The following HPSE variants were observed in gnomAD, a reference collection of about 807,000 sequenced individuals.
HPSE encodes the protein heparanase.
A neutral mutation model predicts 65.1 loss-of-function variants in HPSE; 48 were observed. The ratio of observed to expected loss-of-function variants is 0.74; its 90% CI spans 0.58 to 0.94. The LOEUF (loss-of-function observed/expected upper bound fraction) is 0.94. Ranked by LOEUF, HPSE falls within the 40% of genes least tolerant of loss-of-function variation. HPSE has a pLI of 0.00. For missense variants in HPSE, 644 were observed against 637.5 expected, an observed-to-expected ratio of 1.01 and a Z score of -0.11; for synonymous variants, 243 against 260.0, an observed-to-expected ratio of 0.93 and a Z score of 0.63.
chr4:83,312,745 C>T (rs1411028060), intron 4 of HPSE, among the ~76,000 whole-genome samples: 1 of 142,152 alleles, frequency 7.0e-6, no homozygotes, highest in East Asian at 2.1e-4. Flanking sequence ...CGCCTGTAAT[C>T]CCAGCACTTT....
intron 3 of HPSE, among the ~76,000 whole-genome samples, chr4:83,314,953 C>T (rs1187933333): frequency 6.6e-6 from 1 of 151,846 alleles, no homozygotes; most frequent in Non-Finnish European, 1.5e-5. Context: ...GTCAAGAGTT[C>T]GAGACCAGCC....
At chr4:83,327,826 T>C (rs1737210554) in intron 1 of HPSE, among the ~76,000 whole-genome samples, 1 of 152,136 alleles carries the variant, frequency 6.6e-6, no homozygotes, top group Non-Finnish European at 1.5e-5. Context: ...GCAAAAACCA[T>C]CAACCAGTCT....
At chr4:83,320,282 TG>T in intron 2 of HPSE, among the ~76,000 whole-genome samples, 1 of 152,082 alleles carries the variant, frequency 6.6e-6, no homozygotes, top group East Asian at 1.9e-4. Flanking sequence ...AAATCCACCC[TG>T]GTCAGGCACA....
At chr4:83,320,989 C>T (rs530326032) in intron 2 of HPSE, among the ~76,000 whole-genome samples, 2 of 152,272 alleles carry the variant, frequency 1.3e-5, no homozygotes, top group East Asian at 1.9e-4. Context: ...CACTTGAGTG[C>T]AGGAGTTTGA....
chr4:83,334,545 C>T lies in HPSE; in HGVS notation c.227+11G>A, dbSNP rs762311217. 8 of 1,567,072 alleles carry T rather than the reference C, an allele frequency of 5.1e-6. No individual in the cohort carries two copies. The highest frequency in any genetic ancestry group is 1.4e-5 in the African/African-American group (1 of 73,838). ...CAGGAAAGGGGACAGGACCAGGAGGCTGGCGCTTACCCCAGGAGGATGAGG... is the reference window on the plus strand; with the variant it reads ...CAGGAAAGGGGACAGGACCAGGAGGTTGGCGCTTACCCCAGGAGGATGAGG... On this transcript the variant is annotated intron_variant, in intron 1 of 11. Transcript: ENST00000311412.
Position 83,309,418 on chromosome 4 carries a change from A to T in HPSE, c.968T>A (p.Val323Glu). The T allele has an allele frequency of 1.3e-6, 2 of 1,579,398 alleles. No individual in the cohort carries two copies. The highest frequency in any genetic ancestry group is 2.3e-5 in the South Asian group (2 of 86,356). ...PDVLDIFISS[V>E]QKVFQVVEST... ...GACTATTACCTGGAAAACTTTTTGC[A>T]CAGATGAAATAAAAATGTCCAATAC... Residue 323 changes from valine (V) to glutamate (E), a missense_variant, in exon 7 of 12, where the codon GTG becomes GAG. Transcript: ENST00000311412.
At chr4:83,306,063 A>C (rs1004975404) in intron 9 of HPSE, 140 bp downstream of exon 9, 3 of 571,078 alleles carry the variant, frequency 5.3e-6, no homozygotes, top group Middle Eastern at 3.3e-4. Context: ...ATTGGATGCT[A>C]TCTAAGGCTC....
intron 1 of HPSE, 133 bp downstream of exon 1, chr4:83,334,423 G>GGGGTGGGGAGAGAC (rs1012352695): frequency 1.0e-6 from 1 of 988,254 alleles, no homozygotes; most frequent in African/African-American, 1.7e-5. Flanking sequence ...GGCGGGAAGT[G>GGGGTGGGGAGAGAC]GGGTGGGGAG....
intron 2 of HPSE, among the ~76,000 whole-genome samples, chr4:83,320,470 G>T (rs1001204004): frequency 2.6e-5 from 4 of 152,078 alleles, no homozygotes; most frequent in Non-Finnish European, 5.9e-5. Context: ...GGAGACCGAG[G>T]TGGGAGGATG....
chr4:83,329,914 G>A (rs1737299846), intron 1 of HPSE, among the ~76,000 whole-genome samples: 1 of 151,696 alleles, frequency 6.6e-6, no homozygotes, highest in African/African-American at 2.4e-5. Flanking sequence ...CTGGATGAGA[G>A]CCAGATGTGG....
rs150789274 is a variant in HPSE at position 83,303,199 on chromosome 4, T to C, written c.1207-931A>G. ...AAGCTTCTAGGTATAACTACCAGTT[T>C]ACAGGAAACACAGGGGACAGAGGAA... On this transcript the variant is annotated intron_variant, in intron 9 of 11. Coordinates refer to ENST00000311412, the MANE Select transcript of HPSE (RefSeq NM_001098540.3). Among the ~76,000 whole-genome samples, 38 of 152,282 alleles carry C rather than the reference T, an allele frequency of 2.5e-4. No homozygotes were observed. In the East Asian group the frequency reaches 5.4e-3, roughly 22 times the overall value.
intron 1 of HPSE, among the ~76,000 whole-genome samples, chr4:83,329,935 A>AC (rs149941264): frequency 0.028 from 4,319 of 152,252 alleles, 211 homozygotes; most frequent in African/African-American, 0.099. Context: ...AGATGAGGAA[A>AC]ACACACTGAG....
At chr4:83,331,093 A>G (rs1389711300) in intron 1 of HPSE, among the ~76,000 whole-genome samples, 1 of 152,180 alleles carries the variant, frequency 6.6e-6, no homozygotes, top group Admixed American at 6.5e-5. Flanking sequence ...AGTCCCAGCT[A>G]CTTGGGAGAC....
chr4:83,309,952 T>C (rs1432245663), intron 6 of HPSE, 79 bp downstream of exon 6: 21 of 1,001,152 alleles, frequency 2.1e-5, no homozygotes, highest in Non-Finnish European at 3.1e-5. Context: ...GGCAGTTAAA[T>C]GAACTAACTT....
At chr4:83,303,976 T>A (rs1269679405) in intron 9 of HPSE, among the ~76,000 whole-genome samples, 1 of 151,282 alleles carries the variant, frequency 6.6e-6, no homozygotes, top group Non-Finnish European at 1.5e-5. Context: ...TACTCTTTAG[T>A]TCTTAGTTGG....
intron 3 of HPSE, among the ~76,000 whole-genome samples, chr4:83,318,451 G>A (rs1329783356): frequency 6.6e-6 from 1 of 152,126 alleles, no homozygotes; most frequent in African/African-American, 2.4e-5. Context: ...GGCCAACATG[G>A]TGAAACCCTG....
chr4:83,322,397 T>C (rs2126194923), intron 1 of HPSE, 33 bp from the exon 2 acceptor site: 2 of 1,569,396 alleles, frequency 1.3e-6, no homozygotes, highest in East Asian at 2.3e-5. Flanking sequence ...AGTATAACTA[T>C]TTTTTCCAAG....
chr4:83,322,792 TGTGTGTGTGTGTG>T (rs1736969205), intron 1 of HPSE, among the ~76,000 whole-genome samples: 13 of 114,936 alleles, frequency 1.1e-4, no homozygotes, highest in South Asian at 2.9e-4. Flanking sequence ...AGCTTGTTTG[TGTGTGTGTGTGTG>T]TGTGTGTGTG....
At chr4:83,321,171 C>T (rs1032835300) in intron 2 of HPSE, among the ~76,000 whole-genome samples, 1 of 152,100 alleles carries the variant, frequency 6.6e-6, no homozygotes, top group South Asian at 2.1e-4. Context: ...GCACTCCAGC[C>T]TGGGCAACAG....
Sources: gnomAD v4.1 joint callset for allele counts (sites outside exome capture counted in the v4.1 genomes callset) on GRCh38, gnomAD v4.1.1 for gene constraint, MANE v1.5 for transcripts, NCBI Gene and HGNC (gene_info 2026-07-23, HGNC 2026-07-21) for gene names.